The following EBF3 variants were observed in gnomAD, a reference collection of about 807,000 sequenced individuals.
The protein encoded by EBF3 is transcription factor COE3.
A neutral mutation model predicts 77.1 loss-of-function variants in EBF3; 18 were observed. The observed-to-expected ratio is 0.23, with a 90% CI of 0.16 to 0.35. The LOEUF (loss-of-function observed/expected upper bound fraction) is 0.35, where lower values mean the gene tolerates loss of function less well. EBF3 is among the 10% of genes least tolerant of loss of function. EBF3 has a pLI of 1.00. For synonymous variants in EBF3, 350 were observed against 343.5 expected, an observed-to-expected ratio of 1.02 and a Z score of -0.21; for missense variants, 558 against 860.0, an observed-to-expected ratio of 0.65 and a Z score of 4.39.
chr10:129,868,485 T>C (rs1448422295), intron 8 of EBF3, among the ~76,000 whole-genome samples: 2 of 152,240 alleles, frequency 1.3e-5, no homozygotes, highest in Non-Finnish European at 2.9e-5. Flanking sequence ...ACATCTAATA[T>C]TGTTTGTCGA....
chr10:129,913,046 G>T (rs950204167), intron 6 of EBF3, among the ~76,000 whole-genome samples: 1 of 152,194 alleles, frequency 6.6e-6, no homozygotes, highest in South Asian at 2.1e-4. Context: ...CCGAAATGTT[G>T]ATTCACAAAT....
At chr10:129,850,470 T>G (rs1009295308) in intron 10 of EBF3, among the ~76,000 whole-genome samples, 2 of 152,242 alleles carry the variant, frequency 1.3e-5, no homozygotes, top group South Asian at 4.2e-4. Context: ...ACTTATGTCT[T>G]GAAAGCAATG....
In EBF3 at chr10:129,866,752, G is replaced by A. The variant is rs180911508; in HGVS notation, c.1039+389C>T. 1.1e-4 allele frequency among the ~76,000 whole-genome samples: 16 copies of A among 152,266 alleles called. No individual in the cohort carries two copies. In the East Asian group the frequency reaches 1.9e-3, roughly 18 times the overall value. On this transcript the variant is annotated intron_variant, in intron 10 of 16. Coordinates refer to ENST00000440978, the MANE Select transcript of EBF3 (RefSeq NM_001375380.1). The stretch of plus-strand genomic sequence containing the variant: ...TGCAGGAGAACAGCAGTGACACCAC[G>A]GGGAAGAGGCATAGAGACCGGTGGA...
chr10:129,936,059 C>T (rs1245612297), intron 6 of EBF3, among the ~76,000 whole-genome samples: 2 of 152,148 alleles, frequency 1.3e-5, no homozygotes, highest in African/African-American at 4.8e-5. Context: ...GGGGACTGTG[C>T]AGAGCAGCCA....
At chr10:129,877,358 G>A (rs1015134665) in intron 7 of EBF3, among the ~76,000 whole-genome samples, 2 of 151,758 alleles carry the variant, frequency 1.3e-5, no homozygotes, top group African/African-American at 4.8e-5. Flanking sequence ...GTGTGCGCCT[G>A]TAATCCCAGC....
intron 4 of EBF3, among the ~76,000 whole-genome samples, chr10:129,960,129 C>A (rs1417475166): frequency 4.0e-5 from 6 of 151,604 alleles, no homozygotes; most frequent in South Asian, 2.1e-4. Context: ...AAAAAAAAGT[C>A]TACTGGGGGA....
intron 10 of EBF3, among the ~76,000 whole-genome samples, chr10:129,866,246 T>C (rs1157166724): frequency 6.6e-6 from 1 of 152,112 alleles, no homozygotes; most frequent in Non-Finnish European, 1.5e-5. Flanking sequence ...CTCACCATCC[T>C]GAGTAGCTAG....
chr10:129,889,646 C>A (rs766571564), intron 6 of EBF3, among the ~76,000 whole-genome samples: 16 of 152,228 alleles, frequency 1.1e-4, no homozygotes, highest in Non-Finnish European at 1.9e-4. Flanking sequence ...GGGAATCTTC[C>A]GTTCACTTTC....
Position 129,848,243 on chromosome 10 carries a change from G to A in EBF3, c.1128+149C>T, listed in dbSNP as rs1444060963. The A allele has an allele frequency of 2.5e-6, 2 of 799,082 alleles. No homozygotes were observed. Among genetic ancestry groups the A allele is most frequent in the Non-Finnish European group, 4.2e-6 (2 of 473,120 alleles). 49.5% of individuals were successfully genotyped at this position (799,082 alleles called of 1,614,324 possible). On this transcript the variant is annotated intron_variant, in intron 11 of 16. Transcript: ENST00000440978. The surrounding 1 kb of genome is among the most constrained non-coding windows in gnomAD (Gnocchi z 4.4). ...TGAAGCTGGTCAGGTGCGGGCCCGG[G>A]CAGCTCCTCACACCTGTCGGCCCTG...
chr10:129,950,044 G>A (rs997315632), intron 6 of EBF3, among the ~76,000 whole-genome samples: 2 of 148,154 alleles, frequency 1.3e-5, no homozygotes, highest in Non-Finnish European at 3.0e-5. Flanking sequence ...AGGGGAGGGG[G>A]GCGGAGGCAG....
chr10:129,911,651 G>T (rs1190756854), intron 6 of EBF3, among the ~76,000 whole-genome samples: 1 of 152,176 alleles, frequency 6.6e-6, no homozygotes, highest in African/African-American at 2.4e-5. Flanking sequence ...GCTGCTGCTG[G>T]GCTCACGGGG....
In EBF3 at chr10:129,886,885, A is replaced by T. The variant is rs913818854; in HGVS notation, c.555-9036T>A. ...TCTCCTGTCGTGTGGGGTGCAGGAG[A>T]CTATGTATGAGAGACACAGAGAGAC... On this transcript the variant is annotated intron_variant, in intron 6 of 16. Coordinates refer to ENST00000440978, the MANE Select transcript of EBF3 (RefSeq NM_001375380.1). Among the ~76,000 whole-genome samples the T allele has an allele frequency of 4.0e-5, 6 of 150,950 alleles. No homozygotes were observed. In the East Asian group the frequency reaches 1.2e-3, roughly 30 times the overall value.
intron 6 of EBF3, among the ~76,000 whole-genome samples, chr10:129,899,867 T>G (rs548754159): frequency 6.6e-6 from 1 of 152,322 alleles, no homozygotes; most frequent in African/African-American, 2.4e-5. Context: ...AAATTAATTT[T>G]CTCTCCAAGA....
At chr10:129,893,373 A>G (rs1854151763) in intron 6 of EBF3, among the ~76,000 whole-genome samples, 2 of 152,262 alleles carry the variant, frequency 1.3e-5, no homozygotes. Context: ...ATACATTATC[A>G]TACATAATGT....
rs1012168105 is a variant in EBF3, at chr10:129,943,415, T to G, written c.554+13843A>C. Among the ~76,000 whole-genome samples the G allele has an allele frequency of 6.6e-5, 10 of 152,248 alleles. No individual in the cohort carries two copies. The East Asian group carries it at 1.2e-3, about 18-fold the overall frequency. On this transcript the variant is annotated intron_variant, in intron 6 of 16. Coordinates refer to ENST00000440978, the MANE Select transcript of EBF3 (RefSeq NM_001375380.1). The surrounding 1 kb of genome is among the most constrained non-coding windows in gnomAD (Gnocchi z 8.8). ...GTCTTATAGGCTTGGCTGGATAATTTCATTTTAAAAGTATCGCTAAAATTT... is the reference window on the plus strand; with the variant it reads ...GTCTTATAGGCTTGGCTGGATAATTGCATTTTAAAAGTATCGCTAAAATTT...
rs1857961316 is a variant in EBF3, at chr10:129,943,687, T to TA, written c.554+13570dup. Among the ~76,000 whole-genome samples the TA allele has an allele frequency of 6.6e-6, 1 of 152,190 alleles. No homozygotes were observed. The highest frequency in any genetic ancestry group is 6.5e-5 in the Admixed American group (1 of 15,288). On this transcript the variant is annotated intron_variant, in intron 6 of 16. Transcript: ENST00000440978. The surrounding 1 kb of genome is among the most constrained non-coding windows in gnomAD (Gnocchi z 8.8). ...TATTTTCCTTCAGACATTTTTTTTT[T>TA]ACCTCTGCTATGAATTAAAAGAATT...
At chr10:129,920,663 C>T (rs747127891) in intron 6 of EBF3, among the ~76,000 whole-genome samples, 79 of 152,250 alleles carry the variant, frequency 5.2e-4, no homozygotes, top group Non-Finnish European at 9.3e-4. Context: ...CCCGAAGAAT[C>T]TTGGAAAGCC....
intron 8 of EBF3, among the ~76,000 whole-genome samples, chr10:129,868,432 T>C (rs1852178975): frequency 6.6e-6 from 1 of 152,224 alleles, no homozygotes; most frequent in Non-Finnish European, 1.5e-5. Flanking sequence ...GGAAAAAAAA[T>C]CAAAGGCACT....
At chr10:129,877,481 CAAAAAAA>C (rs10541156) in intron 7 of EBF3, among the ~76,000 whole-genome samples, 1 of 77,254 alleles carries the variant, frequency 1.3e-5, no homozygotes. Flanking sequence ...ACTCTGTCTC[CAAAAAAA>C]AAAAAAAAAA....
Sources: gnomAD v4.1 joint callset for allele counts (sites outside exome capture counted in the v4.1 genomes callset) on GRCh38, gnomAD v4.1.1 for gene constraint, Gnocchi (gnomAD v3.1) non-coding constraint, MANE v1.5 for transcripts, NCBI Gene and HGNC (gene_info 2026-07-23, HGNC 2026-07-21) for gene names.